Variants in SUMF1 observed in about 807,000 individuals in gnomAD.
SUMF1 encodes the protein formylglycine-generating enzyme.
A neutral mutation model predicts 47.6 loss-of-function variants in SUMF1; 48 were observed. The observed-to-expected ratio is 1.01, with a 90% CI of 0.80 to 1.28. The LOEUF is 1.28. SUMF1 is among the 50% of genes most tolerant of loss of function. The probability of loss-of-function intolerance (pLI) is 0.00; values close to 1 mark genes in which losing one functional copy is unlikely to be tolerated. For synonymous variants in SUMF1, 230 were observed against 192.1 expected (o/e 1.20, Z -1.63); for missense variants, 571 against 485.4 (o/e 1.18, Z -1.66).
intron 8 of SUMF1, among the ~76,000 whole-genome samples, chr3:4,331,471 G>A (rs1426039310): frequency 6.6e-6 from 1 of 152,172 alleles, no homozygotes; most frequent in African/African-American, 2.4e-5. Flanking sequence ...TGTACCAGAT[G>A]CAAAGTCCAG....
chr3:4,122,480 G>A (rs769856240), intron 8 of SUMF1, among the ~76,000 whole-genome samples: 5 of 152,066 alleles, frequency 3.3e-5, no homozygotes, highest in Non-Finnish European at 5.9e-5. Context: ...ACCAGATAGA[G>A]GCAGTGGTTT....
At chr3:4,448,130 G>A (rs757771298) in intron 3 of SUMF1, among the ~76,000 whole-genome samples, 1 of 152,050 alleles carries the variant, frequency 6.6e-6, no homozygotes, top group Non-Finnish European at 1.5e-5. Context: ...TTCGAATGGA[G>A]CTCAATCACA....
chr3:4,341,673 C>T (rs138906580), intron 8 of SUMF1, among the ~76,000 whole-genome samples: 1 of 152,048 alleles, frequency 6.6e-6, no homozygotes, highest in Non-Finnish European at 1.5e-5. Context: ...TGCTATTGAA[C>T]AAAGATCAAA....
chr3:4,460,638 G>GTA (rs1211369272), intron 1 of SUMF1, among the ~76,000 whole-genome samples: 1 of 147,654 alleles, frequency 6.8e-6, no homozygotes, highest in Non-Finnish European at 1.5e-5. Context: ...GTGTGTGTGT[G>GTA]TATATATATA....
At chr3:4,083,849 A>T (rs1382839618) in intron 8 of SUMF1, among the ~76,000 whole-genome samples, 1 of 152,040 alleles carries the variant, frequency 6.6e-6, no homozygotes, top group Non-Finnish European at 1.5e-5. Context: ...CAAAAAAAAA[A>T]AAAAAGAGCT....
rs191781974 is a variant in SUMF1, at chr3:4,361,216, G to C, written c.*928C>G. On this transcript the variant is annotated 3_prime_UTR_variant, in exon 9 of 9. Coordinates refer to ENST00000272902, the MANE Select transcript of SUMF1 (RefSeq NM_182760.4). ...GCATCGGATATTCCACAGCCAACAA[G>C]GTTTCCTATTCCCTATTACAAAATA... 1 of 152,474 alleles carries C rather than the reference G, an allele frequency of 6.6e-6. No individual in the cohort carries two copies. The highest frequency in any genetic ancestry group is 1.9e-4 in the East Asian group (1 of 5,194). 9.4% of individuals were successfully genotyped at this position (152,474 alleles called of 1,614,324 possible).
At chr3:4,395,068 C>T (rs576039906) in intron 7 of SUMF1, among the ~76,000 whole-genome samples, 75 of 152,290 alleles carry the variant, frequency 4.9e-4, no homozygotes, top group African/African-American at 1.7e-3. Context: ...TCCTCATAAT[C>T]ACCCTGTAAA....
intron 9 of SUMF1, among the ~76,000 whole-genome samples, chr3:4,040,935 G>A (rs1430318811): frequency 6.6e-6 from 1 of 152,206 alleles, no homozygotes. Context: ...CCAGAACTAT[G>A]TTAGTAGACT....
rs190686003 is a variant in SUMF1 at position 4,042,901 on chromosome 3, C to T, written c.1191+25668G>A. Among the ~76,000 whole-genome samples the T allele has an allele frequency of 1.4e-3, 212 of 152,190 alleles. 1 individual carries two copies. The highest frequency in any genetic ancestry group is 4.7e-3 in the African/African-American group (197 of 41,520). On this transcript the variant is annotated intron_variant and NMD_transcript_variant, in intron 9 of 12. Coordinates refer to the SUMF1 transcript ENST00000448413. The stretch of plus-strand genomic sequence containing the variant: ...AAGGCAAGTCCAGTGCCCTTGCATC[C>T]CATCACCTCCTAGACCCTCCACCAG...
chr3:4,285,171 T>C (rs1209144618), intron 8 of SUMF1, among the ~76,000 whole-genome samples: 1 of 152,180 alleles, frequency 6.6e-6, no homozygotes, highest in African/African-American at 2.4e-5. Flanking sequence ...GGCATAACTA[T>C]AGCCAAATCA....
In SUMF1 at chr3:4,376,386, C is replaced by G; in HGVS notation, c.958G>C (p.Gly320Arg). ...HSVEETLNPK[G>R]PPSGKDRVKK... is the part of the protein sequence containing the mutation. ...ACTCGGTCTTTCCCAGAAGGGGGAC[C>G]TTTCTACAGATGAAGAAAAAAGGCT... The change falls in exon 8 of 9, where the codon GGT becomes CGT. Residue 320 changes from glycine (G) to arginine (R), a missense_variant. Coordinates refer to ENST00000272902, the MANE Select transcript of SUMF1 (RefSeq NM_182760.4). The G allele has an allele frequency of 1.2e-6, 2 of 1,614,124 alleles. No homozygotes were observed. The highest frequency in any genetic ancestry group is 2.2e-5 in the East Asian group (1 of 44,884).
chr3:4,182,301 A>G (rs1695113077), intron 8 of SUMF1, among the ~76,000 whole-genome samples: 2 of 151,760 alleles, frequency 1.3e-5, no homozygotes, highest in Admixed American at 1.3e-4. Context: ...TAAAGCCCCT[A>G]GGTTATTCTA....
chr3:4,164,842 T>C (rs1694661958), intron 8 of SUMF1, among the ~76,000 whole-genome samples: 1 of 152,156 alleles, frequency 6.6e-6, no homozygotes, highest in Non-Finnish European at 1.5e-5. Flanking sequence ...AAATTGACCC[T>C]TGAGTGAGTC....
chr3:4,425,749 T>C (rs1702048436), intron 3 of SUMF1, among the ~76,000 whole-genome samples: 1 of 152,166 alleles, frequency 6.6e-6, no homozygotes, highest in South Asian at 2.1e-4. Flanking sequence ...ATGCTGCTAA[T>C]AAAGACATAC....
chr3:4,215,386 G>A (rs2200394), intron 8 of SUMF1, among the ~76,000 whole-genome samples: 91,629 of 151,658 alleles, frequency 0.6, 27,910 homozygotes, highest in South Asian at 0.69. Context: ...GTATTGGTGG[G>A]ATGCATCGCA....
intron 8 of SUMF1, among the ~76,000 whole-genome samples, chr3:4,273,684 G>A (rs1180110530): frequency 8.3e-6 from 1 of 120,156 alleles, no homozygotes; most frequent in Non-Finnish European, 1.7e-5. Context: ...CAGAAAGAAG[G>A]AAGGGAGGGA....
intron 8 of SUMF1, among the ~76,000 whole-genome samples, chr3:4,169,590 A>G (rs1201271360): frequency 2.6e-5 from 4 of 152,104 alleles, no homozygotes; most frequent in Non-Finnish European, 5.9e-5. Context: ...CTCCAGAACT[A>G]TGGGGTGAAT....
chr3:4,273,969 C>T (rs772994776), intron 8 of SUMF1, among the ~76,000 whole-genome samples: 1 of 151,784 alleles, frequency 6.6e-6, no homozygotes, highest in Non-Finnish European at 1.5e-5. Context: ...TGTCAGAATA[C>T]GTCATATCAG....
intron 9 of SUMF1, among the ~76,000 whole-genome samples, chr3:4,038,879 C>T (rs1372232126): frequency 6.6e-6 from 1 of 151,826 alleles, no homozygotes; most frequent in Non-Finnish European, 1.5e-5. Context: ...TCAGGGGTTG[C>T]GATATTAGTA....
Sources: gnomAD v4.1 joint callset for allele counts (sites outside exome capture counted in the v4.1 genomes callset) on GRCh38, gnomAD v4.1.1 for gene constraint, MANE v1.5 for transcripts, NCBI Gene and HGNC (gene_info 2026-07-23, HGNC 2026-07-21) for gene names.